TMEM132B: variants seen among roughly 807,000 people sequenced by gnomAD.
The protein encoded by TMEM132B is transmembrane protein 132B.
A neutral mutation model predicts 90.8 loss-of-function variants in TMEM132B; 18 were observed. The observed-to-expected ratio is 0.20, with a 90% CI of 0.14 to 0.29. TMEM132B has a LOEUF of 0.29. Among genes scored for constraint, TMEM132B ranks in the 10% least tolerant of loss-of-function variants. The probability of loss-of-function intolerance (pLI) is 1.00; values close to 1 mark genes in which losing one functional copy is unlikely to be tolerated. For synonymous variants in TMEM132B, 504 were observed against 523.3 expected (o/e 0.96, Z 0.50); for missense variants, 1,096 against 1,326.8 (o/e 0.83, Z 2.70).
intron 3 of TMEM132B, among the ~76,000 whole-genome samples, chr12:125,420,900 A>T (rs1006320240): frequency 6.6e-6 from 1 of 152,176 alleles, no homozygotes; most frequent in African/African-American, 2.4e-5. Flanking sequence ...TACCCTAAAT[A>T]ATCTCTCTCA....
intron 1 of TMEM132B, among the ~76,000 whole-genome samples, chr12:125,313,956 CTT>C (rs1876187817): frequency 6.6e-6 from 1 of 151,840 alleles, no homozygotes; most frequent in African/African-American, 2.4e-5. Flanking sequence ...CAGGACATCT[CTT>C]TGTGTCTCTG....
intron 3 of TMEM132B, among the ~76,000 whole-genome samples, chr12:125,461,805 AC>A (rs1220561659): frequency 6.6e-6 from 1 of 152,074 alleles, no homozygotes; most frequent in Non-Finnish European, 1.5e-5. Flanking sequence ...CTGCCAGGCC[AC>A]CCTTGCCTTC....
At chr12:125,582,220 A>G (rs1033745694) in intron 4 of TMEM132B, among the ~76,000 whole-genome samples, 2 of 151,672 alleles carry the variant, frequency 1.3e-5, no homozygotes, top group African/African-American at 2.4e-5. Context: ...GTAATGACAT[A>G]TAAAACACAT....
chr12:125,188,701 AGCTCGTTCCGACAAAT>A (rs1042473959), intron 1 of TMEM132B, among the ~76,000 whole-genome samples: 4 of 151,986 alleles, frequency 2.6e-5, no homozygotes, highest in African/African-American at 9.7e-5. Context: ...TCAGCAGGGC[AGCTCGTTCCGACAAAT>A]GCCGTCCGGG....
Position 125,653,729 on chromosome 12 carries a change from T to C in TMEM132B, c.2271T>C (p.Gly757=). The C allele has an allele frequency of 6.2e-7, 1 of 1,614,078 alleles. No individual in the cohort carries two copies. Among genetic ancestry groups the C allele is most frequent in the East Asian group, 2.2e-5 (1 of 44,880 alleles). The change falls in exon 9 of 9, where the codon GGT becomes GGC. Residue 757 remains glycine (G), a synonymous_variant. Coordinates refer to ENST00000682704, the MANE Select transcript of TMEM132B (RefSeq NM_001366854.1). ...ESKWPIVVAE[G]EGQGPLIKLE... ...AATGGCCAATTGTGGTTGCAGAGGGTGAAGGACAAGGGCCTTTGATTAAGT... is the reference window on the plus strand; with the variant it reads ...AATGGCCAATTGTGGTTGCAGAGGGCGAAGGACAAGGGCCTTTGATTAAGT...
At chr12:125,285,675 G>T (rs1875330257) in intron 1 of TMEM132B, among the ~76,000 whole-genome samples, 1 of 152,170 alleles carries the variant, frequency 6.6e-6, no homozygotes, top group Non-Finnish European at 1.5e-5. Context: ...AGTTCCCTTG[G>T]GGCTGCTCCC....
At chr12:125,254,420 C>G (rs1874384903) in intron 1 of TMEM132B, among the ~76,000 whole-genome samples, 1 of 152,260 alleles carries the variant, frequency 6.6e-6, no homozygotes, top group East Asian at 1.9e-4. Context: ...CTTCATCAGC[C>G]CCCTTAGACT....
chr12:125,329,588 T>C (rs1876701825), intron 1 of TMEM132B, among the ~76,000 whole-genome samples: 1 of 152,186 alleles, frequency 6.6e-6, no homozygotes, highest in South Asian at 2.1e-4. Context: ...GGCTTTTGGC[T>C]GGAACGAGAT....
chr12:125,352,366 G>C (rs1042075717), intron 2 of TMEM132B, among the ~76,000 whole-genome samples: 10 of 152,222 alleles, frequency 6.6e-5, no homozygotes, highest in Non-Finnish European at 1.0e-4. Context: ...TTTTAGGATC[G>C]CTAAAAGTAG....
chr12:125,578,731 C>T (rs1226119692), intron 4 of TMEM132B, among the ~76,000 whole-genome samples: 2 of 152,152 alleles, frequency 1.3e-5, no homozygotes, highest in Non-Finnish European at 2.9e-5. Context: ...TCTTGGTTGA[C>T]AGTCTTTTTT....
At chr12:125,292,647 TCTCTCTCCATTC>T (rs1358088791) in intron 1 of TMEM132B, among the ~76,000 whole-genome samples, 1 of 152,212 alleles carries the variant, frequency 6.6e-6, no homozygotes, top group East Asian at 1.9e-4. Context: ...TAGGACTTGG[TCTCTCTCCATTC>T]CTTGCCTGTT....
chr12:125,398,897 CA>C (rs1879234296), intron 2 of TMEM132B, among the ~76,000 whole-genome samples: 1 of 152,162 alleles, frequency 6.6e-6, no homozygotes. Flanking sequence ...GCAGTGTTCT[CA>C]TCTGGAGGCC....
At chr12:125,194,851 TC>T (rs1256614316) in intron 1 of TMEM132B, among the ~76,000 whole-genome samples, 1 of 152,140 alleles carries the variant, frequency 6.6e-6, no homozygotes. Context: ...AAAACTTGTC[TC>T]TAAGCAGCAG....
chr12:125,493,816 G>A (rs771608093), intron 3 of TMEM132B, among the ~76,000 whole-genome samples: 13 of 112,884 alleles, frequency 1.2e-4, no homozygotes, highest in East Asian at 2.8e-4. Flanking sequence ...CCTCCTCTCC[G>A]TCCTCCCTGG....
intron 4 of TMEM132B, among the ~76,000 whole-genome samples, chr12:125,547,117 A>T (rs762091995): frequency 1.2e-4 from 19 of 152,144 alleles, no homozygotes; most frequent in Non-Finnish European, 2.4e-4. Context: ...ACACTTGGGG[A>T]TTATGGGAAC....
At chr12:125,503,371 T>G (rs1882746904) in intron 3 of TMEM132B, among the ~76,000 whole-genome samples, 1 of 152,200 alleles carries the variant, frequency 6.6e-6, no homozygotes, top group Admixed American at 6.5e-5. Flanking sequence ...GCAGCCTGGC[T>G]CAGCCACCAG....
intron 4 of TMEM132B, among the ~76,000 whole-genome samples, chr12:125,538,013 C>G (rs1031037291): frequency 2.0e-5 from 3 of 152,208 alleles, no homozygotes; most frequent in African/African-American, 4.8e-5. Flanking sequence ...CTGCTTCCCC[C>G]ACATGCACGC....
At chr12:125,405,484 A>G (rs1344197256) in intron 2 of TMEM132B, among the ~76,000 whole-genome samples, 1 of 152,048 alleles carries the variant, frequency 6.6e-6, no homozygotes, top group Non-Finnish European at 1.5e-5. Context: ...GACACTATTC[A>G]ACCCCTTATA....
intron 1 of TMEM132B, among the ~76,000 whole-genome samples, chr12:125,294,508 A>G (rs1032560738): frequency 6.6e-6 from 1 of 152,246 alleles, no homozygotes. Context: ...TAGTTTTCCA[A>G]TGATGGGGAC....
Sources: allele counts gnomAD v4.1 joint callset (sites outside exome capture counted in the v4.1 genomes callset), GRCh38; gene constraint gnomAD v4.1.1; transcripts MANE v1.5; gene names NCBI Gene and HGNC (gene_info 2026-07-23, HGNC 2026-07-21).